The following DMRTA2 variants were observed in gnomAD, a reference collection of about 807,000 sequenced individuals.
DMRTA2 encodes DMRT like family A2.
DMRTA2 carries 10 observed loss-of-function variants against 29.7 expected under a neutral mutation model. That is an observed-to-expected ratio of 0.34 (90% confidence interval 0.21 to 0.57). The LOEUF (loss-of-function observed/expected upper bound fraction) is 0.57. DMRTA2 is among the 20% of genes least tolerant of loss of function. The probability of loss-of-function intolerance (pLI) is 0.87; values close to 1 mark genes in which losing one functional copy is unlikely to be tolerated. For missense variants in DMRTA2, 783 were observed against 812.1 expected, an observed-to-expected ratio of 0.96 and a Z score of 0.44; for synonymous variants, 469 against 402.6, an observed-to-expected ratio of 1.16 and a Z score of -1.97.
rs1386350222 is a variant in DMRTA2, at chr1:50,421,898, G to A, written c.-8-354C>T. 6.6e-6 allele frequency among the ~76,000 whole-genome samples: 1 copy of A among 152,240 alleles called. No homozygotes were observed. Among genetic ancestry groups the A allele is most frequent in the East Asian group, 1.9e-4 (1 of 5,198 alleles). ...GGAAAAGTTAAGATGATACCCCAAA[G>A]CTTAGCCTAATTGGGGTGAGACGGG... On this transcript the variant is annotated intron_variant, in intron 1 of 2. Coordinates refer to ENST00000404795, the MANE Select transcript of DMRTA2 (RefSeq NM_032110.3). This position sits in a 1 kb window ranked among gnomAD's most constrained non-coding sequence, Gnocchi z 8.7.
Position 50,418,031 on chromosome 1 carries a change from A to G in DMRTA2, c.*634T>C, listed in dbSNP as rs1319371049. Reference sequence around the variant, plus strand: ...AGATTATATATAGATTTATACATATATAAAAACACACTGCACCAAGGAAAC... The same window carrying G: ...AGATTATATATAGATTTATACATATGTAAAAACACACTGCACCAAGGAAAC... On this transcript the variant is annotated 3_prime_UTR_variant, in exon 3 of 3. Transcript: ENST00000404795. 3 of 151,970 alleles carry G rather than the reference A, an allele frequency of 2.0e-5. No individual in the cohort carries two copies. The highest frequency in any genetic ancestry group is 4.4e-5 in the Non-Finnish European group (3 of 68,010). 9.4% of individuals were successfully genotyped at this position (151,970 alleles called of 1,614,324 possible).
At position 50,422,160 on chromosome 1, in the gene DMRTA2, C is replaced by CA. The variant is rs1229769372; in HGVS notation, c.-8-617dup. On this transcript the variant is annotated intron_variant, in intron 1 of 2. Coordinates refer to ENST00000404795, the MANE Select transcript of DMRTA2 (RefSeq NM_032110.3). The surrounding 1 kb of genome is among the most constrained non-coding windows in gnomAD (Gnocchi z 5.7). ...GGGCAGAAGCTTTGGAGAGAAAAAT[C>CA]AACAACAGAAAGAATAGCTTTAGGA... 6.6e-6 allele frequency among the ~76,000 whole-genome samples: 1 copy of CA among 152,102 alleles called. No homozygotes were observed. Among genetic ancestry groups the CA allele is most frequent in the Non-Finnish European group, 1.5e-5 (1 of 68,018 alleles).
rs1646024477 is a variant in DMRTA2, at chr1:50,419,985, A to G, written c.560-251T>C. The stretch of plus-strand genomic sequence containing the variant: ...CCTGTGCCCTGTAAACTCGATGTTC[A>G]GTGCTGCTTTCCCCACGTCTGTGCC... On this transcript the variant is annotated intron_variant, in intron 2 of 2. Coordinates refer to ENST00000404795, the MANE Select transcript of DMRTA2 (RefSeq NM_032110.3). This position sits in a 1 kb window ranked among gnomAD's most constrained non-coding sequence, Gnocchi z 6.1. 6.6e-6 allele frequency among the ~76,000 whole-genome samples: 1 copy of G among 152,130 alleles called. No individual in the cohort carries two copies. The highest frequency in any genetic ancestry group is 6.5e-5 in the Admixed American group (1 of 15,284).
Position 50,421,507 on chromosome 1 carries a change from C to T in DMRTA2, c.30G>A (p.Val10=). The change falls in exon 2 of 3, where the codon GTG becomes GTA. Residue 10 remains valine, a synonymous_variant. Transcript: ENST00000404795. This position sits in a 1 kb window ranked among gnomAD's most constrained non-coding sequence, Gnocchi z 8.7. MELRSELPS[V]PGAATAAAAT... ...CCGCCGCCGCCGTCGCCGCGCCGGG[C>T]ACGCTGGGCAGCTCCGAGCGCAGCT... The T allele has an allele frequency of 7.9e-7, 1 of 1,271,392 alleles. No individual in the cohort carries two copies. Among genetic ancestry groups the T allele is most frequent in the Non-Finnish European group, 9.9e-7 (1 of 1,015,026 alleles). The allele number at this position is 1,271,392 out of a possible 1,614,324, so 78.8% of individuals were successfully genotyped here.
chr1:50,423,150 T>A lies in DMRTA2; in HGVS notation c.-43A>T, dbSNP rs1646051638. 1 of 152,964 alleles carries A rather than the reference T, an allele frequency of 6.5e-6. No individual in the cohort carries two copies. The highest frequency in any genetic ancestry group is 2.4e-5 in the African/African-American group (1 of 41,490). 9.5% of individuals were successfully genotyped at this position (152,964 alleles called of 1,614,324 possible). Reference sequence around the variant, plus strand: ...CGGGATCCTCCTCCTCCGCTGGCGCTGCACGCGCCTCCCGGCTCCACTGGC... The same window carrying A: ...CGGGATCCTCCTCCTCCGCTGGCGCAGCACGCGCCTCCCGGCTCCACTGGC... On this transcript the variant is annotated 5_prime_UTR_variant, in exon 1 of 3. Coordinates refer to ENST00000404795, the MANE Select transcript of DMRTA2 (RefSeq NM_032110.3).
rs1355980372 is a variant in DMRTA2 at position 50,418,940 on chromosome 1, C to T, written c.1354G>A (p.Ala452Thr). 3.5e-6 allele frequency: 5 copies of T among 1,442,614 alleles called. No individual in the cohort carries two copies. 89.4% of individuals were successfully genotyped at this position (1,442,614 alleles called of 1,614,324 possible). A position where few individuals can be genotyped will look rare whatever the true frequency, so the allele number is the denominator to read the frequency against. Residue 452 changes from alanine to threonine, a missense_variant, in exon 3 of 3, where the codon GCG becomes ACG. Coordinates refer to ENST00000404795, the MANE Select transcript of DMRTA2 (RefSeq NM_032110.3). ...QPNASHFGAD[A>T]GAYPLGAPLG... Reference sequence around the variant, plus strand: ...GGCGCGCCCAGCGGGTAGGCGCCCGCGTCGGCACCGAAGTGACTGGCGTTG... The same window carrying T: ...GGCGCGCCCAGCGGGTAGGCGCCCGTGTCGGCACCGAAGTGACTGGCGTTG...
In DMRTA2 at chr1:50,422,741, T is replaced by A. The variant is rs1646047846; in HGVS notation, c.-9+375A>T. ...CCCCTCTCGAGCGCAGGCTCCTGCGTTCTGATCTCAGAGTTGGGGTCCTAG... is the reference window on the plus strand; with the variant it reads ...CCCCTCTCGAGCGCAGGCTCCTGCGATCTGATCTCAGAGTTGGGGTCCTAG... On this transcript the variant is annotated intron_variant, in intron 1 of 2. Transcript: ENST00000404795. This position sits in a 1 kb window ranked among gnomAD's most constrained non-coding sequence, Gnocchi z 5.7. 6.6e-6 allele frequency among the ~76,000 whole-genome samples: 1 copy of A among 151,742 alleles called. No individual in the cohort carries two copies. Among genetic ancestry groups the A allele is most frequent in the Non-Finnish European group, 1.5e-5 (1 of 67,924 alleles).
rs1645997597 is a variant in DMRTA2, at chr1:50,417,908, G to GT, written c.*756dup. 6.6e-6 allele frequency: 1 copy of GT among 152,094 alleles called. No homozygotes were observed. Among genetic ancestry groups the GT allele is most frequent in the Non-Finnish European group, 1.5e-5 (1 of 68,030 alleles). 9.4% of individuals were successfully genotyped at this position (152,094 alleles called of 1,614,324 possible). On this transcript the variant is annotated 3_prime_UTR_variant, in exon 3 of 3. Transcript: ENST00000404795. ...GTCCCTTTTTTTGCTTGTTTTGAATGTTTTTCACGTTAATACCGAGGTCAC... is the reference window on the plus strand; with the variant it reads ...GTCCCTTTTTTTGCTTGTTTTGAATGTTTTTTCACGTTAATACCGAGGTCAC...
Position 50,421,104 on chromosome 1 carries a change from T to G in DMRTA2, c.433A>C (p.Asn145His), listed in dbSNP as rs961922062. 6.6e-7 allele frequency: 1 copy of G among 1,524,538 alleles called. No homozygotes were observed. Among genetic ancestry groups the G allele is most frequent in the African/African-American group, 1.4e-5 (1 of 70,066 alleles). The allele number at this position is 1,524,538 out of a possible 1,614,324, so 94.4% of individuals were successfully genotyped here. The part of the protein sequence containing the change: ...TAEGLALAAA[N>H]GIIPPRPAYE... ...GCGGGCCTCGGGGGGATGATGCCGT[T>G]GGCGGCGGCCAGCGCCAGCCCCTCG... is the stretch of plus-strand genomic sequence containing the variant. Residue 145 changes from asparagine to histidine, a missense_variant, in exon 2 of 3, where the codon AAC becomes CAC. Coordinates refer to ENST00000404795, the MANE Select transcript of DMRTA2 (RefSeq NM_032110.3). This position sits in a 1 kb window ranked among gnomAD's most constrained non-coding sequence, Gnocchi z 8.7.
In DMRTA2 at chr1:50,421,174, C is replaced by T. The variant is rs1311003045; in HGVS notation, c.363G>A (p.Gln121=). Residue 121 remains glutamine, a synonymous_variant, in exon 2 of 3, where the codon CAG becomes CAA. Transcript: ENST00000404795. The surrounding 1 kb of genome is among the most constrained non-coding windows in gnomAD (Gnocchi z 8.7). ...GCAGCTCGCGCGCCTCGTTCTCCTC[C>T]TGCGCCTGCTGCCTGCGCAGCGCCA... The part of the protein sequence containing the change: ...AQVALRRQQA[Q]EENEARELQL... 2 of 1,537,214 alleles carry T rather than the reference C, an allele frequency of 1.3e-6. No homozygotes were observed. The highest frequency in any genetic ancestry group is 2.4e-5 in the South Asian group (2 of 83,344).
In DMRTA2 at chr1:50,421,699, T is replaced by C; in HGVS notation, c.-8-155A>G. Reference sequence around the variant, plus strand: ...CCAGAATTGCTGGGAGGAGGTGCAGTCGGAACCTCCTTGTGAGCCCTAGCA... The same window carrying C: ...CCAGAATTGCTGGGAGGAGGTGCAGCCGGAACCTCCTTGTGAGCCCTAGCA... On this transcript the variant is annotated intron_variant, in intron 1 of 2. Transcript: ENST00000404795. This position sits in a 1 kb window ranked among gnomAD's most constrained non-coding sequence, Gnocchi z 8.7. The C allele has an allele frequency of 1.2e-6, 1 of 863,914 alleles. No individual in the cohort carries two copies. 53.5% of individuals were successfully genotyped at this position (863,914 alleles called of 1,614,324 possible).
Position 50,422,610 on chromosome 1 carries a change from G to T in DMRTA2, c.-9+506C>A, listed in dbSNP as rs1646047142. 6.6e-6 allele frequency among the ~76,000 whole-genome samples: 1 copy of T among 152,168 alleles called. No individual in the cohort carries two copies. Among genetic ancestry groups the T allele is most frequent in the Admixed American group, 6.5e-5 (1 of 15,280 alleles). On this transcript the variant is annotated intron_variant, in intron 1 of 2. Transcript: ENST00000404795. This position sits in a 1 kb window ranked among gnomAD's most constrained non-coding sequence, Gnocchi z 5.7. ...ATCCTGCGAAAAGTTAGGCATTTCG[G>T]GAGGGGGATCTTTCTCGAAGACCAC...
chr1:50,419,127 G>A lies in DMRTA2; in HGVS notation c.1167C>T (p.Ala389=). Residue 389 remains alanine (A), a synonymous_variant, in exon 3 of 3, where the codon GCC becomes GCT. Transcript: ENST00000404795. The surrounding 1 kb of genome is among the most constrained non-coding windows in gnomAD (Gnocchi z 6.1). ...CGGCGGCGGCGGCGGCGGCGGCGGC[G>A]GCGTCGACGCGGCTGGGCCACGCGT... ...ADDAWPSRVD[A]AAAAAAAAGG... The A allele has an allele frequency of 8.4e-7, 1 of 1,196,054 alleles. No individual in the cohort carries two copies. The highest frequency in any genetic ancestry group is 1.0e-6 in the Non-Finnish European group (1 of 969,520). The allele number at this position is 1,196,054 out of a possible 1,614,324, so 74.1% of individuals were successfully genotyped here.
rs929935650 is a variant in DMRTA2, at chr1:50,417,843, A to G, written c.*822T>C. 3 of 152,228 alleles carry G rather than the reference A, an allele frequency of 2.0e-5. No individual in the cohort carries two copies. The highest frequency in any genetic ancestry group is 2.9e-5 in the Non-Finnish European group (2 of 68,052). The allele number at this position is 152,228 out of a possible 1,614,324, so 9.4% of individuals were successfully genotyped here. ...CCAATATATTTAATCTCTAAACCTG[A>G]TAAGTACAATGCGCGCATAGTCTAA... On this transcript the variant is annotated 3_prime_UTR_variant, in exon 3 of 3. Transcript: ENST00000404795.
Position 50,423,367 on chromosome 1 carries a change from G to C in DMRTA2, c.-260C>G, listed in dbSNP as rs1180481077. On this transcript the variant is annotated 5_prime_UTR_variant, in exon 1 of 3. Transcript: ENST00000404795. Reference sequence around the variant, plus strand: ...GAACCCGCGACCTGACTCTCGCCGTGCCGGGTCCCCTCGCGGTGCGCGCCG... The same window carrying C: ...GAACCCGCGACCTGACTCTCGCCGTCCCGGGTCCCCTCGCGGTGCGCGCCG... 1 of 152,224 alleles carries C rather than the reference G, an allele frequency of 6.6e-6. No homozygotes were observed. The highest frequency in any genetic ancestry group is 2.4e-5 in the African/African-American group (1 of 41,468). The allele number at this position is 152,224 out of a possible 1,614,324, so 9.4% of individuals were successfully genotyped here. A position where few individuals can be genotyped will look rare whatever the true frequency, so the allele number is the denominator to read the frequency against.
At position 50,422,840 on chromosome 1, in the gene DMRTA2, G is replaced by C. The variant is rs745555776; in HGVS notation, c.-9+276C>G. ...CAACTGGCCATAAACGGACACCAGA[G>C]TCCCTCCCACGCCGCAGCCCCATAA... On this transcript the variant is annotated intron_variant, in intron 1 of 2. Transcript: ENST00000404795. The surrounding 1 kb of genome is among the most constrained non-coding windows in gnomAD (Gnocchi z 5.7). Among the ~76,000 whole-genome samples, 2 of 152,190 alleles carry C rather than the reference G, an allele frequency of 1.3e-5. No individual in the cohort carries two copies. The highest frequency in any genetic ancestry group is 2.9e-5 in the Non-Finnish European group (2 of 68,024).
chr1:50,421,218 G>T lies in DMRTA2; in HGVS notation c.319C>A (p.Arg107Ser), dbSNP rs1440369045. The T allele has an allele frequency of 6.5e-7, 1 of 1,536,886 alleles. No homozygotes were observed. Among genetic ancestry groups the T allele is most frequent in the Admixed American group, 2.0e-5 (1 of 50,324 alleles). The change falls in exon 2 of 3, where the codon CGT becomes AGT. Residue 107 changes from arginine (R) to serine (S), a missense_variant. Coordinates refer to ENST00000404795, the MANE Select transcript of DMRTA2 (RefSeq NM_032110.3). This position sits in a 1 kb window ranked among gnomAD's most constrained non-coding sequence, Gnocchi z 8.7. ...AKCTLIAERQ[R>S]VMAAQVALRR... ...AGCGCCACCTGCGCCGCCATGACAC[G>T]CTGGCGCTCCGCGATGAGCGTGCAC... is the stretch of plus-strand genomic sequence containing the variant.
rs1287474789 is a variant in DMRTA2 at position 50,421,089 on chromosome 1, G to C, written c.448C>G (p.Pro150Ala). ...CCGAAGACCTCGTAGGCGGGCCTCG[G>C]GGGGATGATGCCGTTGGCGGCGGCC... ...ALAAANGIIP[P>A]RPAYEVFGSV... Residue 150 changes from proline (P) to alanine (A), a missense_variant, in exon 2 of 3, where the codon CCG becomes GCG. Physicochemically the swap from Pro to Ala is conservative, Grantham distance 27 (BLOSUM62 -1). This residue lies in a region of DMRTA2 where 667 missense variants were observed against 624.8 expected (regional missense o/e 1.07). Coordinates refer to ENST00000404795, the MANE Select transcript of DMRTA2 (RefSeq NM_032110.3). The surrounding 1 kb of genome is among the most constrained non-coding windows in gnomAD (Gnocchi z 8.7). 38 of 1,523,220 alleles carry C rather than the reference G, an allele frequency of 2.5e-5. No homozygotes were observed. Among genetic ancestry groups the C allele is most frequent in the Non-Finnish European group, 3.0e-5 (34 of 1,140,500 alleles). 94.4% of individuals were successfully genotyped at this position (1,523,220 alleles called of 1,614,324 possible). A position where few individuals can be genotyped will look rare whatever the true frequency, so the allele number is the denominator to read the frequency against.
In DMRTA2 at chr1:50,419,460, CG is replaced by C; in HGVS notation, c.833del (p.Pro278ArgfsTer43). On this transcript the variant is annotated frameshift_variant, in exon 3 of 3. Transcript: ENST00000404795. LOFTEE classifies it high-confidence loss of function. The surrounding 1 kb of genome is among the most constrained non-coding windows in gnomAD (Gnocchi z 6.1). Reference protein sequence around the residue: ...GPGGGGEEDSPGSASPLGSES... With the variant: ...GPGGGGEEDSXGSASPLGSES... ...CAGAGCCCAGAGGGCTAGCGGAGCC[CG>C]GGCTGTCCTCCTCGCCGCCGCCGCC... 6.3e-7 allele frequency: 1 copy of C among 1,597,610 alleles called. No individual in the cohort carries two copies. Among genetic ancestry groups the C allele is most frequent in the Non-Finnish European group, 8.5e-7 (1 of 1,177,716 alleles).
Sources: gnomAD v4.1 joint callset for allele counts (sites outside exome capture counted in the v4.1 genomes callset) on GRCh38, gnomAD v4.1.1 for gene constraint, gnomAD v4.1.1 regional missense constraint, Gnocchi (gnomAD v3.1) non-coding constraint, MANE v1.5 for transcripts, NCBI Gene and HGNC (gene_info 2026-07-23, HGNC 2026-07-21) for gene names.